Variants in ATF7IP observed in about 807,000 individuals in gnomAD.
ATF7IP encodes activating transcription factor 7 interacting protein, also known as activating transcription factor 7-interacting protein 1.
ATF7IP carries 23 observed loss-of-function variants against 106.4 expected under a neutral mutation model. The observed-to-expected ratio is 0.22, with a 90% CI of 0.16 to 0.31. ATF7IP has a LOEUF of 0.31. Among genes scored for constraint, ATF7IP ranks in the 10% least tolerant of loss-of-function variants. The probability of loss-of-function intolerance (pLI) is 1.00; values close to 1 mark genes in which losing one functional copy is unlikely to be tolerated. For synonymous variants in ATF7IP, 542 were observed against 539.0 expected (o/e 1.01, Z -0.08); for missense variants, 1,334 against 1,524.3 (o/e 0.88, Z 2.08).
intron 2 of ATF7IP, among the ~76,000 whole-genome samples, chr12:14,429,528 T>A (rs1942022457): frequency 6.6e-6 from 1 of 152,150 alleles, no homozygotes; most frequent in Non-Finnish European, 1.5e-5. Flanking sequence ...AAAATAAAAA[T>A]CTGTGGTTGA....
chr12:14,378,393 C>T (rs143852163), intron 1 of ATF7IP, among the ~76,000 whole-genome samples: 23 of 152,194 alleles, frequency 1.5e-4, no homozygotes, highest in Middle Eastern at 3.4e-3. Flanking sequence ...TCACCATGCC[C>T]GGCCCTATAT....
chr12:14,495,351 C>T (rs1169908099), intron 13 of ATF7IP, among the ~76,000 whole-genome samples: 3 of 152,182 alleles, frequency 2.0e-5, no homozygotes, highest in Non-Finnish European at 4.4e-5. Flanking sequence ...GAAAATATAG[C>T]TATTTAAAGA....
At chr12:14,467,239 A>G (rs1187889231) in intron 10 of ATF7IP, among the ~76,000 whole-genome samples, 4 of 152,102 alleles carry the variant, frequency 2.6e-5, no homozygotes, top group African/African-American at 9.7e-5. Context: ...CCTTTGAATC[A>G]TTTCAAGGAG....
chr12:14,460,564 C>G lies in ATF7IP; in HGVS notation c.2228C>G (p.Thr743Ser). The change falls in exon 9 of 15, where the codon ACT (threonine) becomes AGT (serine). Residue 743 changes from threonine to serine, a missense_variant. This residue lies in a region of ATF7IP where 171 missense variants were observed against 172.6 expected (regional missense o/e 0.99). Transcript: ENST00000261168. ...SSQPKLQTPV[T>S]SGSLTATSVL... ...CAACCTAAATTGCAGACTCCAGTGACTTCGGGTTCCCTCACAGCAACGTCA... is the reference window on the plus strand; with the variant it reads ...CAACCTAAATTGCAGACTCCAGTGAGTTCGGGTTCCCTCACAGCAACGTCA... 1 of 1,614,180 alleles carries G rather than the reference C, an allele frequency of 6.2e-7. No homozygotes were observed. The highest frequency in any genetic ancestry group is 1.6e-4 in the Middle Eastern group (1 of 6,062).
intron 6 of ATF7IP, among the ~76,000 whole-genome samples, chr12:14,454,822 CTTTTA>C (rs1191932908): frequency 1.3e-5 from 2 of 152,198 alleles, no homozygotes; most frequent in East Asian, 3.9e-4. Context: ...ATTCTCTATG[CTTTTA>C]TTCTTCTTGT....
intron 1 of ATF7IP, among the ~76,000 whole-genome samples, chr12:14,380,441 C>T (rs1473708724): frequency 6.6e-6 from 1 of 152,112 alleles, no homozygotes; most frequent in Non-Finnish European, 1.5e-5. Flanking sequence ...GAGAGTTCTC[C>T]AGAGACCTTA....
At chr12:14,439,847 C>A (rs542427019) in intron 5 of ATF7IP, among the ~76,000 whole-genome samples, 1 of 122,258 alleles carries the variant, frequency 8.2e-6, no homozygotes, top group African/African-American at 3.3e-5. Flanking sequence ...ATAAATCCAT[C>A]CATCCATCCA....
chr12:14,376,033 T>G (rs2136401432), intron 1 of ATF7IP, among the ~76,000 whole-genome samples: 1 of 152,306 alleles, frequency 6.6e-6, no homozygotes, highest in East Asian at 1.9e-4. Context: ...GTTTTAGGAC[T>G]GACTCATTAA....
chr12:14,399,371 A>G (rs531091969), intron 1 of ATF7IP, among the ~76,000 whole-genome samples: 133 of 152,110 alleles, frequency 8.7e-4, no homozygotes, highest in Non-Finnish European at 1.4e-3. Flanking sequence ...ATTGCTGATG[A>G]CAAGTCTGAT....
intron 9 of ATF7IP, 192 bp from the exon 10 acceptor site, chr12:14,466,334 G>T: frequency 3.7e-6 from 2 of 546,066 alleles, no homozygotes; most frequent in Non-Finnish European, 6.4e-6. Flanking sequence ...TCTGTATTGT[G>T]ATCTGTATAG....
At chr12:14,388,236 G>A (rs1026481338) in intron 1 of ATF7IP, among the ~76,000 whole-genome samples, 1 of 151,716 alleles carries the variant, frequency 6.6e-6, no homozygotes, top group South Asian at 2.1e-4. Flanking sequence ...TTTTAGTAGA[G>A]GTGAAGTTTC....
intron 5 of ATF7IP, among the ~76,000 whole-genome samples, chr12:14,443,688 G>A (rs1353883880): frequency 6.6e-6 from 1 of 152,302 alleles, no homozygotes; most frequent in Admixed American, 6.5e-5. Context: ...ATTAATAGAT[G>A]TTGCTATTTA....
chr12:14,498,046 T>C lies in ATF7IP; in HGVS notation c.3786T>C (p.Asp1262=). 6.2e-7 allele frequency: 1 copy of C among 1,609,010 alleles called. No homozygotes were observed. Among genetic ancestry groups the C allele is most frequent in the Non-Finnish European group, 8.5e-7 (1 of 1,175,712 alleles). ...FGPFCDPQST[D]VISSTQSS ...CTTTCTGTGATCCTCAGTCAACAGA[T>C]GTGATCTCTTCTACCCAGAGCAGTT... Residue 1262 remains aspartate, a synonymous_variant, in exon 15 of 15, where the codon GAT becomes GAC. Coordinates refer to ENST00000261168, the MANE Select transcript of ATF7IP (RefSeq NM_018179.5).
At chr12:14,466,118 A>T (rs753090311) in intron 9 of ATF7IP, 3 of 157,670 alleles carry the variant, frequency 1.9e-5, no homozygotes, top group Non-Finnish European at 4.2e-5. Flanking sequence ...ATTTTCTTGG[A>T]TTTACTGCAA....
At chr12:14,390,988 C>CT (rs1939516879) in intron 1 of ATF7IP, among the ~76,000 whole-genome samples, 1 of 152,146 alleles carries the variant, frequency 6.6e-6, no homozygotes, top group Non-Finnish European at 1.5e-5. Context: ...AGTTAGAGTT[C>CT]AACTTTAGAG....
intron 13 of ATF7IP, among the ~76,000 whole-genome samples, chr12:14,489,932 G>A (rs913889681): frequency 6.6e-6 from 1 of 152,310 alleles, no homozygotes; most frequent in African/African-American, 2.4e-5. Flanking sequence ...ATTCCAGGGA[G>A]GAGAAACCTC....
chr12:14,485,282 G>A (rs1944562624), intron 13 of ATF7IP, among the ~76,000 whole-genome samples: 1 of 151,834 alleles, frequency 6.6e-6, no homozygotes, highest in South Asian at 2.1e-4. Context: ...GGAATGTGTT[G>A]TCTCCAAAAT....
Position 14,424,465 on chromosome 12 carries a change from G to T in ATF7IP, c.550G>T (p.Val184Leu). 1 of 1,611,344 alleles carries T rather than the reference G, an allele frequency of 6.2e-7. No homozygotes were observed. The highest frequency in any genetic ancestry group is 8.5e-7 in the Non-Finnish European group (1 of 1,179,004). The change falls in exon 2 of 15, where the codon GTG (valine) becomes TTG (leucine). Residue 184 changes from valine (V) to leucine (L), a missense_variant. By Grantham distance (32) the Val-to-Leu change is conservative (BLOSUM62 1). Transcript: ENST00000261168. ...ATSGDAPSGD[V>L]SPGDATSGDA... ...CTCTGGTGATGCCCCTTCTGGTGAT[G>T]TGTCCCCTGGTGATGCCACCTCTGG...
At chr12:14,373,450 G>C (rs185642782) in intron 1 of ATF7IP, among the ~76,000 whole-genome samples, 34 of 152,304 alleles carry the variant, frequency 2.2e-4, no homozygotes, top group African/African-American at 6.7e-4. Flanking sequence ...AGAACAATGG[G>C]AGTGCATATT....
Sources: gnomAD v4.1 joint callset for allele counts (sites outside exome capture counted in the v4.1 genomes callset) on GRCh38, gnomAD v4.1.1 for gene constraint, gnomAD v4.1.1 regional missense constraint, MANE v1.5 for transcripts, NCBI Gene and HGNC (gene_info 2026-07-23, HGNC 2026-07-21) for gene names.